Variants in CDC42BPA observed in about 807,000 individuals in gnomAD.
The protein encoded by CDC42BPA is serine/threonine-protein kinase MRCK alpha.
A neutral mutation model predicts 223.5 loss-of-function variants in CDC42BPA; 80 were observed. The ratio of observed to expected loss-of-function variants is 0.36; its 90% CI spans 0.30 to 0.43. The LOEUF (loss-of-function observed/expected upper bound fraction) is 0.43. Ranked by LOEUF, CDC42BPA falls within the 20% of genes least tolerant of loss-of-function variation. The pLI is 1.00. For synonymous variants in CDC42BPA, 694 were observed against 718.6 expected (o/e 0.97, Z 0.55); for missense variants, 1,743 against 2,099.9 (o/e 0.83, Z 3.32).
chr1:227,105,000 TAAC>T (rs1685663416), intron 14 of CDC42BPA, among the ~76,000 whole-genome samples: 1 of 152,184 alleles, frequency 6.6e-6, no homozygotes, highest in South Asian at 2.1e-4. Context: ...GCATCATATA[TAAC>T]AACTTAAAAG....
intron 15 of CDC42BPA, among the ~76,000 whole-genome samples, chr1:227,094,309 C>T (rs1683594160): frequency 6.6e-6 from 1 of 152,182 alleles, no homozygotes; most frequent in African/African-American, 2.4e-5. Context: ...CCTCTTGAGG[C>T]CACTTGCTAT....
chr1:227,255,486 A>T (rs2148299857), intron 1 of CDC42BPA, among the ~76,000 whole-genome samples: 1 of 151,446 alleles, frequency 6.6e-6, no homozygotes, highest in South Asian at 2.1e-4. Context: ...CACAACAGAG[A>T]AGAGAAAGAG....
intron 16 of CDC42BPA, among the ~76,000 whole-genome samples, chr1:227,081,817 A>G (rs1680724061): frequency 6.6e-6 from 1 of 152,220 alleles, no homozygotes; most frequent in African/African-American, 2.4e-5. Flanking sequence ...GACATCATAC[A>G]ATGTTATCCA....
chr1:227,010,716 T>C (rs1313605823), intron 34 of CDC42BPA, among the ~76,000 whole-genome samples: 1 of 137,730 alleles, frequency 7.3e-6, no homozygotes, highest in African/African-American at 2.6e-5. Flanking sequence ...AAGAGGAAGA[T>C]ACATGGAGGA....
intron 3 of CDC42BPA, among the ~76,000 whole-genome samples, chr1:227,203,161 G>C (rs1444695010): frequency 1.3e-5 from 2 of 152,002 alleles, no homozygotes; most frequent in African/African-American, 4.8e-5. Context: ...GCAAACCCCA[G>C]ACAGCATATG....
intron 7 of CDC42BPA, among the ~76,000 whole-genome samples, chr1:227,146,383 G>C (rs1260487415): frequency 1.3e-5 from 2 of 152,006 alleles, no homozygotes; most frequent in African/African-American, 4.8e-5. Flanking sequence ...CAACCCTGCT[G>C]CTATTTCCAG....
chr1:227,313,213 T>C (rs1693825082), intron 1 of CDC42BPA, among the ~76,000 whole-genome samples: 1 of 152,198 alleles, frequency 6.6e-6, no homozygotes, highest in Non-Finnish European at 1.5e-5. Flanking sequence ...CATCAAGTAT[T>C]TCAAAGACTT....
chr1:227,248,082 T>A (rs944192678), intron 2 of CDC42BPA, among the ~76,000 whole-genome samples: 8 of 151,860 alleles, frequency 5.3e-5, no homozygotes, highest in African/African-American at 1.7e-4. Flanking sequence ...GAATGAAGCA[T>A]GTATAAGATC....
At chr1:227,181,653 C>T (rs986453560) in intron 5 of CDC42BPA, among the ~76,000 whole-genome samples, 3 of 152,130 alleles carry the variant, frequency 2.0e-5, no homozygotes, top group Non-Finnish European at 2.9e-5. Context: ...AGTAGCTCCT[C>T]TAAAGAGTAT....
chr1:227,085,131 C>T (rs1169298235), intron 16 of CDC42BPA, among the ~76,000 whole-genome samples: 1 of 147,734 alleles, frequency 6.8e-6, no homozygotes, highest in Non-Finnish European at 1.5e-5. Context: ...CCTATATAAT[C>T]ACTTGAGCCA....
intron 5 of CDC42BPA, among the ~76,000 whole-genome samples, chr1:227,180,997 A>G (rs1197226092): frequency 6.6e-6 from 1 of 152,114 alleles, no homozygotes; most frequent in African/African-American, 2.4e-5. Flanking sequence ...GACATACCAC[A>G]TGATGCTGTT....
chr1:227,171,711 G>A lies in CDC42BPA; in HGVS notation c.600-11075C>T, dbSNP rs148998980. Among the ~76,000 whole-genome samples, 1,001 of 152,086 alleles carry A rather than the reference G, an allele frequency of 6.6e-3. 26 individuals carry two copies. The highest frequency in any genetic ancestry group is 0.041 in the Admixed American group (622 of 15,284). Reference sequence around the variant, plus strand: ...CTTCACTAGAACATCAGTACCAAAAGCATGATTATTACAAATATTACCCCC... The same window carrying A: ...CTTCACTAGAACATCAGTACCAAAAACATGATTATTACAAATATTACCCCC... On this transcript the variant is annotated intron_variant, in intron 5 of 36. Coordinates refer to ENST00000366766, the MANE Select transcript of CDC42BPA (RefSeq NM_001394014.1).
At chr1:227,175,586 T>C (rs922772143) in intron 5 of CDC42BPA, among the ~76,000 whole-genome samples, 1 of 152,218 alleles carries the variant, frequency 6.6e-6, no homozygotes, top group Non-Finnish European at 1.5e-5. Context: ...AGGTACATTA[T>C]GCACTCATTA....
chr1:227,075,470 G>C (rs1679271421), intron 17 of CDC42BPA, among the ~76,000 whole-genome samples: 1 of 152,148 alleles, frequency 6.6e-6, no homozygotes. Flanking sequence ...ATTGTCTTTG[G>C]AGTATAAGCA....
intron 6 of CDC42BPA, among the ~76,000 whole-genome samples, chr1:227,156,534 A>G (rs1662849337): frequency 6.6e-6 from 1 of 151,834 alleles, no homozygotes; most frequent in South Asian, 2.1e-4. Flanking sequence ...ATTATGTCCA[A>G]GAAAACCATT....
intron 21 of CDC42BPA, among the ~76,000 whole-genome samples, chr1:227,057,764 A>G (rs997942446): frequency 6.6e-6 from 1 of 152,212 alleles, no homozygotes. Flanking sequence ...CATATCTCAT[A>G]GAATAAAGAC....
chr1:227,310,685 T>G (rs182969187), intron 1 of CDC42BPA, among the ~76,000 whole-genome samples: 3,370 of 138,128 alleles, frequency 0.024, 71 homozygotes, highest in Admixed American at 0.033. Context: ...TTTTTTTTTT[T>G]GTTTTTTGTT....
intron 34 of CDC42BPA, among the ~76,000 whole-genome samples, chr1:227,015,637 C>T (rs971478702): frequency 4.0e-5 from 6 of 151,460 alleles, no homozygotes; most frequent in Middle Eastern, 3.2e-3. Context: ...TCACAACTGT[C>T]GGAGAGATGT....
At chr1:227,114,696 C>T (rs1374248439) in intron 12 of CDC42BPA, among the ~76,000 whole-genome samples, 1 of 151,942 alleles carries the variant, frequency 6.6e-6, no homozygotes, top group Admixed American at 6.6e-5. Context: ...TTTCAAAATC[C>T]AAAACATTTT....
Sources: gnomAD v4.1 joint callset for allele counts (sites outside exome capture counted in the v4.1 genomes callset) on GRCh38, gnomAD v4.1.1 for gene constraint, MANE v1.5 for transcripts, NCBI Gene and HGNC (gene_info 2026-07-23, HGNC 2026-07-21) for gene names.